Variants in ACP3 observed in about 807,000 individuals in gnomAD.
ACP3 encodes the protein prostatic acid phosphatase.
In ACP3, 38 loss-of-function variants were observed where a neutral mutation model predicts 45.6. The observed-to-expected ratio is 0.83, with a 90% CI of 0.64 to 1.09. The LOEUF (loss-of-function observed/expected upper bound fraction) is 1.09. ACP3 is among the 50% of genes least tolerant of loss of function. The pLI, the probability that ACP3 is intolerant of heterozygous loss-of-function variation, is 0.00. For missense variants in ACP3, 466 were observed against 463.2 expected, an observed-to-expected ratio of 1.01 and a Z score of -0.05; for synonymous variants, 162 against 164.7, an observed-to-expected ratio of 0.98 and a Z score of 0.13.
intron 1 of ACP3, among the ~76,000 whole-genome samples, chr3:132,318,947 C>A (rs1014248346): frequency 3.3e-5 from 5 of 152,174 alleles, no homozygotes; most frequent in Admixed American, 3.3e-4. Context: ...CATGTTTTAC[C>A]CAAGTTAGCC....
At chr3:132,344,134 C>T (rs906125349) in intron 6 of ACP3, among the ~76,000 whole-genome samples, 6 of 152,084 alleles carry the variant, frequency 3.9e-5, no homozygotes, top group East Asian at 1.9e-4. Flanking sequence ...AAAAATTAGG[C>T]GGGTGTGGTG....
Position 132,331,643 on chromosome 3 carries a change from A to G in ACP3, c.217-4A>G. ...TAATTTTTGCTTTTATTTTTTTCCC[A>G]TAGCTGGGCATGGAGCAGCATTATG... On this transcript the variant is annotated splice_region_variant and splice_polypyrimidine_tract_variant and intron_variant, in intron 2 of 9. Coordinates refer to ENST00000336375, the MANE Select transcript of ACP3 (RefSeq NM_001099.5). 6.3e-7 allele frequency: 1 copy of G among 1,576,928 alleles called. No homozygotes were observed. The highest frequency in any genetic ancestry group is 8.5e-7 in the Non-Finnish European group (1 of 1,169,846).
chr3:132,320,506 T>A (rs1448684447), intron 1 of ACP3, among the ~76,000 whole-genome samples: 1 of 152,144 alleles, frequency 6.6e-6, no homozygotes, highest in African/African-American at 2.4e-5. Context: ...AACCCACAAG[T>A]TCAGCTGATC....
chr3:132,346,176 G>C (rs3804634), intron 7 of ACP3, among the ~76,000 whole-genome samples: 9,850 of 152,248 alleles, frequency 0.065, 901 homozygotes, highest in East Asian at 0.49. Context: ...GTTGTTCACT[G>C]AGGCTACTTA....
Position 132,342,656 on chromosome 3 carries a change from A to G in ACP3, c.648+12A>G, listed in dbSNP as rs779187360. ...CTTTATATTGTGAGGTAAAAGAAAA[A>G]AAAATCACAGGTTAACTTGCAATCT... On this transcript the variant is annotated intron_variant, in intron 6 of 9. Coordinates refer to ENST00000336375, the MANE Select transcript of ACP3 (RefSeq NM_001099.5). 4 of 1,512,436 alleles carry G rather than the reference A, an allele frequency of 2.6e-6. No homozygotes were observed. Among genetic ancestry groups the G allele is most frequent in the Non-Finnish European group, 3.6e-6 (4 of 1,110,156 alleles). The allele number at this position is 1,512,436 out of a possible 1,614,324, so 93.7% of individuals were successfully genotyped here.
chr3:132,358,154 C>A lies in ACP3; in HGVS notation c.*1276C>A. ...CCTGTAATCCTTGCATTTTGGAAGG[C>A]TGAGGCAGGAGGATCACTTTAGGCC... is the stretch of plus-strand genomic sequence containing the variant. On this transcript the variant is annotated 3_prime_UTR_variant, in exon 10 of 10. Coordinates refer to ENST00000336375, the MANE Select transcript of ACP3 (RefSeq NM_001099.5). 1.5e-6 allele frequency: 1 copy of A among 656,320 alleles called. No individual in the cohort carries two copies. 40.7% of individuals were successfully genotyped at this position (656,320 alleles called of 1,614,324 possible).
Position 132,345,057 on chromosome 3 carries a change from G to A in ACP3, c.779G>A (p.Gly260Glu), listed in dbSNP as rs751924131. Residue 260 changes from glycine (G) to glutamate (E), a missense_variant and splice_region_variant, in exon 7 of 10, where the codon GGG becomes GAG. Coordinates refer to ENST00000336375, the MANE Select transcript of ACP3 (RefSeq NM_001099.5). ...HKQKEKSRLQ[G>E]GVLVNEILNH... is the part of the protein sequence containing the mutation. ...CAGAAAGAGAAATCTAGGCTCCAAG[G>A]GGGTAAGTATTAAAAAATGAGAGGA... 3 of 1,612,762 alleles carry A rather than the reference G, an allele frequency of 1.9e-6. No homozygotes were observed. The highest frequency in any genetic ancestry group is 1.1e-5 in the South Asian group (1 of 91,048).
intron 8 of ACP3, among the ~76,000 whole-genome samples, chr3:132,350,727 T>C (rs529091939): frequency 1.3e-5 from 2 of 152,322 alleles, no homozygotes; most frequent in East Asian, 3.9e-4. Context: ...CATGTTGTCC[T>C]GCTGCTTCTT....
chr3:132,344,823 A>G, intron 6 of ACP3, 104 bp from the exon 7 acceptor site: 1 of 1,334,508 alleles, frequency 7.5e-7, no homozygotes, highest in Non-Finnish European at 1.0e-6. Context: ...GCAGGACAAG[A>G]AAGTCTGGCC....
At chr3:132,363,667 G>A (rs1393856878), downstream of ACP3, among the ~76,000 whole-genome samples, 5 of 151,638 alleles carry the variant, frequency 3.3e-5, no homozygotes, top group Non-Finnish European at 5.9e-5. Context: ...GGCCAGGCAC[G>A]GTGGCTCATG....
chr3:132,320,376 G>A (rs61793787), intron 1 of ACP3, among the ~76,000 whole-genome samples: 8,702 of 152,154 alleles, frequency 0.057, 325 homozygotes, highest in African/African-American at 0.087. Flanking sequence ...TGTTTCATCT[G>A]CATAGCCACT....
chr3:132,352,703 G>T lies in ACP3; in HGVS notation c.865-17G>T. On this transcript the variant is annotated splice_polypyrimidine_tract_variant and intron_variant, in intron 8 of 9. Transcript: ENST00000336375. ...GTGAATCTGAACAGGCGATAAAATT[G>T]ATTTCAATCTCTGTAGCATGACACT... 2 of 1,575,600 alleles carry T rather than the reference G, an allele frequency of 1.3e-6. No individual in the cohort carries two copies. The highest frequency in any genetic ancestry group is 2.2e-5 in the South Asian group (2 of 90,154).
intron 2 of ACP3, among the ~76,000 whole-genome samples, chr3:132,329,366 G>T (rs1166187189): frequency 6.6e-6 from 1 of 152,042 alleles, no homozygotes; most frequent in Non-Finnish European, 1.5e-5. Flanking sequence ...CTGGGCATTG[G>T]GATTTTTAGA....
In ACP3 at chr3:132,352,807, T is replaced by C; in HGVS notation, c.952T>C (p.Leu318=). 6.2e-7 allele frequency: 1 copy of C among 1,611,428 alleles called. No homozygotes were observed. Among genetic ancestry groups the C allele is most frequent in the South Asian group, 1.1e-5 (1 of 91,028 alleles). ...CTATGCTTCTTGCCACTTGACGGAA[T>C]TGTACTTTGAGAAGGGGTAAGTGAC... ...PPYASCHLTE[L]YFEKGEYFVE... Residue 318 remains leucine (L), a synonymous_variant, in exon 9 of 10, where the codon TTG becomes CTG. Coordinates refer to ENST00000336375, the MANE Select transcript of ACP3 (RefSeq NM_001099.5).
chr3:132,326,346 A>T (rs1937298190), intron 1 of ACP3, among the ~76,000 whole-genome samples: 1 of 152,222 alleles, frequency 6.6e-6, no homozygotes, highest in South Asian at 2.1e-4. Context: ...TTTACCTGGG[A>T]TATAAAAACT....
exon 11 of ACP3, chr3:132,368,036 T>A (rs563543270): frequency 1.4e-5 from 7 of 489,404 alleles, no homozygotes; most frequent in African/African-American, 1.2e-4. Flanking sequence ...GGAGTGGTAG[T>A]GCAGGCTGCT....
At chr3:132,325,891 C>T (rs537307434) in intron 1 of ACP3, among the ~76,000 whole-genome samples, 128 of 152,310 alleles carry the variant, frequency 8.4e-4, no homozygotes, top group Non-Finnish European at 1.5e-3. Context: ...ATAGTAACTG[C>T]TTTGTGGAAC....
chr3:132,324,293 C>A (rs941088869), intron 1 of ACP3, among the ~76,000 whole-genome samples: 1 of 151,974 alleles, frequency 6.6e-6, no homozygotes, highest in African/African-American at 2.4e-5. Flanking sequence ...ACTGTACTCA[C>A]CAGGTTCTCC....
intron 9 of ACP3, among the ~76,000 whole-genome samples, chr3:132,355,775 CA>C (rs1437749816): frequency 1.3e-5 from 2 of 152,222 alleles, no homozygotes; most frequent in Non-Finnish European, 2.9e-5. Context: ...CTCGACCTCC[CA>C]AAGTGCTGGG....
Sources: allele counts gnomAD v4.1 joint callset (sites outside exome capture counted in the v4.1 genomes callset), GRCh38; gene constraint gnomAD v4.1.1; transcripts MANE v1.5; gene names NCBI Gene and HGNC (gene_info 2026-07-23, HGNC 2026-07-21).